The following NINJ2 variants were observed in gnomAD, a reference collection of about 807,000 sequenced individuals.
The protein encoded by NINJ2 is ninjurin-2.
In NINJ2, 12 loss-of-function variants were observed where a neutral mutation model predicts 11.7. That is an observed-to-expected ratio of 1.02 (90% CI 0.66 to 1.66). NINJ2 has a LOEUF of 1.66. Ranked by LOEUF, NINJ2 falls within the 40% of genes most tolerant of loss-of-function variation. The pLI is 0.00. For synonymous variants in NINJ2, 93 were observed against 76.8 expected (o/e 1.21, Z -1.10); for missense variants, 187 against 181.8 (o/e 1.03, Z -0.16).
intron 1 of NINJ2, among the ~76,000 whole-genome samples, chr12:627,783 C>T (rs1360518798): frequency 1.3e-5 from 2 of 152,104 alleles, no homozygotes; most frequent in Non-Finnish European, 2.9e-5. Context: ...GGCACAGTGG[C>T]GCATGCCTGT....
intron 1 of NINJ2, among the ~76,000 whole-genome samples, chr12:642,075 C>T (rs1165709171): frequency 6.6e-6 from 1 of 152,184 alleles, no homozygotes; most frequent in Non-Finnish European, 1.5e-5. Context: ...AGATGTGAAT[C>T]CCGGTTGAGC....
intron 1 of NINJ2, among the ~76,000 whole-genome samples, chr12:611,245 TTCTCTCTCTCTC>T (rs746399101): frequency 8.8e-6 from 1 of 113,104 alleles, no homozygotes; most frequent in African/African-American, 3.8e-5. Flanking sequence ...CTTTCTTTCT[TTCTCTCTCTCTC>T]TTTCTTTCTT....
At position 651,473 on chromosome 12, in the gene NINJ2, T is replaced by C. The variant is rs546453613; in HGVS notation, c.33+11855A>G. Among the ~76,000 whole-genome samples the C allele has an allele frequency of 2.8e-4, 42 of 152,310 alleles. No individual in the cohort carries two copies. In the South Asian group the frequency reaches 8.5e-3, roughly 31 times the overall value. ...ACCCAACCATAGAGCTGTGGAACAC[T>C]TCCCCTCCCCTCACATTTTACCACC... is the stretch of plus-strand genomic sequence containing the variant. On this transcript the variant is annotated intron_variant, in intron 1 of 3. Coordinates refer to ENST00000305108, the MANE Select transcript of NINJ2 (RefSeq NM_016533.6).
intron 1 of NINJ2, among the ~76,000 whole-genome samples, chr12:584,548 G>A (rs979381313): frequency 1.3e-5 from 2 of 152,176 alleles, no homozygotes; most frequent in African/African-American, 4.8e-5. Flanking sequence ...GCACCCGCCT[G>A]TAATCCCAGC....
At position 663,353 on chromosome 12, in the gene NINJ2, G is replaced by C. The variant is rs2120559588; in HGVS notation, c.8C>G (p.Ser3Ter). The change falls in exon 1 of 4, where the codon TCA becomes TGA. Residue 3 changes from serine to a stop codon, truncating the protein, a stop_gained. Transcript: ENST00000305108. LOFTEE classifies it high-confidence loss of function. ME[S>*]ARENIDLQPG... is the part of the protein sequence containing the mutation. ...TTGAAGGTCGATGTTTTCTCTTGCT[G>C]ATTCCATCTCGCTGCCCTCAAGTCC... 1 of 1,614,162 alleles carries C rather than the reference G, an allele frequency of 6.2e-7. No homozygotes were observed. Among genetic ancestry groups the C allele is most frequent in the Non-Finnish European group, 8.5e-7 (1 of 1,180,028 alleles).
intron 1 of NINJ2, among the ~76,000 whole-genome samples, chr12:603,585 TGAGGTAA>T (rs1947900173): frequency 6.6e-6 from 1 of 152,260 alleles, no homozygotes; most frequent in Admixed American, 6.5e-5. Context: ...GCACATGGTA[TGAGGTAA>T]GAGTCCAACT....
At chr12:583,160 T>C (rs2535433) in intron 1 of NINJ2, among the ~76,000 whole-genome samples, 2,955 of 20,906 alleles carry the variant, frequency 0.14, 32 homozygotes, top group Middle Eastern at 0.25. Context: ...AATGAATGGG[T>C]GCAGGCAGGC....
chr12:642,158 A>T (rs1948426611), intron 1 of NINJ2, among the ~76,000 whole-genome samples: 1 of 152,224 alleles, frequency 6.6e-6, no homozygotes, highest in Admixed American at 6.5e-5. Context: ...AGTCGCGGTT[A>T]ATAATACTTA....
In NINJ2 at chr12:568,721, C is replaced by T. The variant is rs188552973; in HGVS notation, c.34-2543G>A. Among the ~76,000 whole-genome samples, 280 of 152,314 alleles carry T rather than the reference C, an allele frequency of 1.8e-3. 2 individuals carry two copies. The highest frequency in any genetic ancestry group is 6.0e-3 in the African/African-American group (248 of 41,580). On this transcript the variant is annotated intron_variant, in intron 1 of 3. Transcript: ENST00000305108. ...ATTCCGAGTGTCCTCAACTTCTGGA[C>T]GGGGCAGGACTCACAGAGGGTAATC...
chr12:659,552 G>A (rs144101777), intron 1 of NINJ2, among the ~76,000 whole-genome samples: 4 of 152,336 alleles, frequency 2.6e-5, no homozygotes, highest in African/African-American at 9.6e-5. Context: ...GAGAAGGGCA[G>A]AGGCTTGGAG....
In NINJ2 at chr12:594,916, C is replaced by T. The variant is rs1309536543; in HGVS notation, c.34-28738G>A. On this transcript the variant is annotated intron_variant, in intron 1 of 3. Coordinates refer to ENST00000305108, the MANE Select transcript of NINJ2 (RefSeq NM_016533.6). The stretch of plus-strand genomic sequence containing the variant: ...AATAAAGTCAGAGGACTGACACCAC[C>T]CGACTTCAAGACTTATTTAATACAA... Among the ~76,000 whole-genome samples, 4 of 152,218 alleles carry T rather than the reference C, an allele frequency of 2.6e-5. No homozygotes were observed. The South Asian group carries it at 8.3e-4, about 32-fold the overall frequency.
At chr12:658,708 ATGCTATGCTATGCTATGCTAATGCT>A (rs1376836613) in intron 1 of NINJ2, among the ~76,000 whole-genome samples, 23 of 84,208 alleles carry the variant, frequency 2.7e-4, no homozygotes, top group Admixed American at 2.7e-3. Flanking sequence ...ATGCTATGCT[ATGCTATGCTATGCTATGCTAATGCT>A]ATGCTATGCT....
chr12:571,424 G>A (rs1429444234), intron 1 of NINJ2, among the ~76,000 whole-genome samples: 4 of 151,774 alleles, frequency 2.6e-5, no homozygotes, highest in African/African-American at 9.7e-5. Flanking sequence ...ACGTGGGTTT[G>A]GTGATTGGCA....
At chr12:599,756 G>A (rs574776245) in intron 1 of NINJ2, among the ~76,000 whole-genome samples, 96 of 152,286 alleles carry the variant, frequency 6.3e-4, no homozygotes, top group South Asian at 2.3e-3. Flanking sequence ...CCACGACTGC[G>A]CTTGGCCTAC....
In NINJ2 at chr12:580,874, A is replaced by C. The variant is rs564384118; in HGVS notation, c.34-14696T>G. ...TGTGTGTGCATGAGTGTCTGTGTGA[A>C]TGTGTCTATGCATGTGTCTGTGTGT... On this transcript the variant is annotated intron_variant, in intron 1 of 3. Coordinates refer to ENST00000305108, the MANE Select transcript of NINJ2 (RefSeq NM_016533.6). This position sits in a 1 kb window ranked among gnomAD's most constrained non-coding sequence, Gnocchi z 4.7. 5.1e-4 allele frequency among the ~76,000 whole-genome samples: 74 copies of C among 144,372 alleles called. 1 individual carries two copies. Among genetic ancestry groups the C allele is most frequent in the Non-Finnish European group, 1.4e-4 (9 of 65,838 alleles). The allele number at this position is 144,372 out of a possible 152,430, so 94.7% of individuals were successfully genotyped here. A position where few individuals can be genotyped will look rare whatever the true frequency, so the allele number is the denominator to read the frequency against.
At chr12:643,544 G>T in intron 1 of NINJ2, 1 of 988,060 alleles carries the variant, frequency 1.0e-6, no homozygotes, top group Non-Finnish European at 1.2e-6. Flanking sequence ...CCCAAGACCT[G>T]TGGGGCGTGT....
intron 1 of NINJ2, among the ~76,000 whole-genome samples, chr12:647,848 A>G (rs1054256356): frequency 1.3e-5 from 2 of 152,146 alleles, no homozygotes; most frequent in Non-Finnish European, 2.9e-5. Context: ...CAGGGACCAC[A>G]TTTGAAAACC....
At chr12:566,875 C>G (rs1947307720) in intron 1 of NINJ2, among the ~76,000 whole-genome samples, 1 of 152,184 alleles carries the variant, frequency 6.6e-6, no homozygotes, top group South Asian at 2.1e-4. Context: ...TAAAGCTTCT[C>G]CAGAAGCCAC....
intron 1 of NINJ2, among the ~76,000 whole-genome samples, chr12:649,337 G>A (rs543713400): frequency 1.3e-5 from 2 of 152,062 alleles, no homozygotes; most frequent in East Asian, 1.9e-4. Flanking sequence ...ATGAGCCACC[G>A]CGCCCAGCTG....
Sources: gnomAD v4.1 joint callset for allele counts (sites outside exome capture counted in the v4.1 genomes callset) on GRCh38, gnomAD v4.1.1 for gene constraint, Gnocchi (gnomAD v3.1) non-coding constraint, MANE v1.5 for transcripts, NCBI Gene and HGNC (gene_info 2026-07-23, HGNC 2026-07-21) for gene names.